Variants in KCNU1 observed in about 807,000 individuals in gnomAD.
The protein encoded by KCNU1 is potassium calcium-activated channel subfamily U member 1.
A neutral mutation model predicts 126.8 loss-of-function variants in KCNU1; 93 were observed. The observed-to-expected ratio is 0.73, with a 90% confidence interval of 0.62 to 0.87. The LOEUF (loss-of-function observed/expected upper bound fraction) is 0.87. Ranked by LOEUF, KCNU1 falls within the 40% of genes least tolerant of loss-of-function variation. The pLI is 0.00. For missense variants in KCNU1, 1,330 were observed against 1,367.1 expected, an observed-to-expected ratio of 0.97 and a Z score of 0.43; for synonymous variants, 523 against 494.2, an observed-to-expected ratio of 1.06 and a Z score of -0.77.
intron 19 of KCNU1, among the ~76,000 whole-genome samples, chr8:36,878,420 C>G (rs1005652305): frequency 6.6e-6 from 1 of 152,206 alleles, no homozygotes; most frequent in African/African-American, 2.4e-5. Context: ...TACAAAGGCT[C>G]TCTTTACCTC....
chr8:36,799,315 C>T lies in KCNU1; in HGVS notation c.316-4712C>T, dbSNP rs544490214. ...AGCGTATCTTCAAAATCTGAAATTT[C>T]GCCATGATATGGCTGTGTGTGTGTC... On this transcript the variant is annotated intron_variant, in intron 2 of 26. Coordinates refer to ENST00000399881, the MANE Select transcript of KCNU1 (RefSeq NM_001031836.3). 4.3e-4 allele frequency among the ~76,000 whole-genome samples: 66 copies of T among 151,894 alleles called. No individual in the cohort carries two copies. The South Asian group carries it at 5.6e-3, about 13-fold the overall frequency.
rs928282585 is a variant in KCNU1, at chr8:36,804,122, T to C, written c.377+34T>C. 2.2e-6 allele frequency: 3 copies of C among 1,390,504 alleles called. No homozygotes were observed. The Admixed American group carries it at 6.0e-5, about 28-fold the overall frequency. The allele number at this position is 1,390,504 out of a possible 1,614,324, so 86.1% of individuals were successfully genotyped here. A position where few individuals can be genotyped will look rare whatever the true frequency, so the allele number is the denominator to read the frequency against. On this transcript the variant is annotated intron_variant, in intron 3 of 26. Transcript: ENST00000399881. ...AATGTCCAGTCACACTTGTCTGCTA[T>C]ATCAGTACATTGCTCGGCTAATTTG...
intron 10 of KCNU1, among the ~76,000 whole-genome samples, chr8:36,820,889 G>A (rs947221686): frequency 8.5e-5 from 13 of 152,206 alleles, no homozygotes; most frequent in Non-Finnish European, 1.8e-4. Context: ...GAAGCTTACA[G>A]ACATTCTTCT....
chr8:36,846,158 A>G (rs1261944411), intron 18 of KCNU1, among the ~76,000 whole-genome samples: 1 of 152,234 alleles, frequency 6.6e-6, no homozygotes, highest in Non-Finnish European at 1.5e-5. Context: ...CCAAAGTCAC[A>G]TAGCCAGTTA....
chr8:36,815,678 A>G lies in KCNU1; in HGVS notation c.986A>G (p.Lys329Arg), dbSNP rs1185251853. The change falls in exon 9 of 27, where the codon AAA becomes AGA. Residue 329 changes from lysine to arginine, a missense_variant. Lys to Arg is a conservative substitution (Grantham distance 26). Transcript: ENST00000399881. ...RKYTSSYEAL[K>R]GKKFIVVCGN... Reference sequence around the variant, plus strand: ...TACACCAGTTCCTATGAAGCACTCAAAGGAAAGAAGTAAGTAGTGTTTTAA... The same window carrying G: ...TACACCAGTTCCTATGAAGCACTCAGAGGAAAGAAGTAAGTAGTGTTTTAA... 1.3e-6 allele frequency: 2 copies of G among 1,545,274 alleles called. No individual in the cohort carries two copies. The highest frequency in any genetic ancestry group is 1.8e-6 in the Non-Finnish European group (2 of 1,127,468).
At chr8:36,821,662 A>G (rs1804130182) in intron 10 of KCNU1, among the ~76,000 whole-genome samples, 1 of 152,166 alleles carries the variant, frequency 6.6e-6, no homozygotes, top group African/African-American at 2.4e-5. Flanking sequence ...AATGATGGCT[A>G]ATAGCAATTC....
intron 19 of KCNU1, among the ~76,000 whole-genome samples, chr8:36,869,457 C>T (rs1339316061): frequency 6.6e-6 from 1 of 152,064 alleles, no homozygotes. Flanking sequence ...TTTATAATAT[C>T]AACTTCATCT....
intron 18 of KCNU1, among the ~76,000 whole-genome samples, chr8:36,854,907 A>G (rs1431322987): frequency 2.0e-5 from 3 of 152,162 alleles, no homozygotes; most frequent in African/African-American, 7.2e-5. Flanking sequence ...ATTTGTGGCC[A>G]TTGAATTTTC....
At chr8:36,858,195 A>G (rs1383972611) in intron 18 of KCNU1, among the ~76,000 whole-genome samples, 1 of 151,590 alleles carries the variant, frequency 6.6e-6, no homozygotes, top group African/African-American at 2.4e-5. Context: ...AAAAAAAAAA[A>G]AAAACTGTTC....
chr8:36,819,731 C>G (rs1371924843), intron 10 of KCNU1, among the ~76,000 whole-genome samples: 1 of 152,114 alleles, frequency 6.6e-6, no homozygotes, highest in African/African-American at 2.4e-5. Flanking sequence ...TCTCATTACT[C>G]TATTTTATTT....
At chr8:36,842,287 A>G (rs1804985107) in intron 16 of KCNU1, among the ~76,000 whole-genome samples, 1 of 152,246 alleles carries the variant, frequency 6.6e-6, no homozygotes, top group Non-Finnish European at 1.5e-5. Context: ...TGGGCGATAA[A>G]GGAATTATTA....
At chr8:36,786,530 T>G (rs1802716395) in intron 1 of KCNU1, among the ~76,000 whole-genome samples, 1 of 152,184 alleles carries the variant, frequency 6.6e-6, no homozygotes, top group Non-Finnish European at 1.5e-5. Context: ...TGAGCTTTTT[T>G]GAAAGTCAGA....
intron 2 of KCNU1, chr8:36,795,558 GT>G (rs1268828844): frequency 6.5e-6 from 1 of 153,078 alleles, no homozygotes; most frequent in Non-Finnish European, 1.5e-5. Context: ...TGATGTGGGG[GT>G]TGGGCTGGAC....
chr8:36,832,731 G>A lies in KCNU1; in HGVS notation c.1107-823G>A, dbSNP rs947497431. Among the ~76,000 whole-genome samples, 3 of 151,550 alleles carry A rather than the reference G, an allele frequency of 2.0e-5. No homozygotes were observed. In the East Asian group the frequency reaches 5.8e-4, roughly 29 times the overall value. ...TTTATCTTTTTGTTCCTTTTTCATT[G>A]TTTCTTATTCTTGTTTTCATCATTT... On this transcript the variant is annotated intron_variant, in intron 10 of 26. Transcript: ENST00000399881.
At chr8:36,807,200 C>A (rs909522772) in intron 5 of KCNU1, among the ~76,000 whole-genome samples, 175 bp from the exon 6 acceptor site, 1 of 152,110 alleles carries the variant, frequency 6.6e-6, no homozygotes, top group Non-Finnish European at 1.5e-5. Flanking sequence ...GTTACAACAG[C>A]GTCAGGGCTA....
chr8:36,860,911 CTTT>C (rs369702690), intron 18 of KCNU1, among the ~76,000 whole-genome samples: 1 of 140,274 alleles, frequency 7.1e-6, no homozygotes. Context: ...CCCTGGGTCA[CTTT>C]TTTTTTTTTT....
intron 21 of KCNU1, among the ~76,000 whole-genome samples, chr8:36,910,669 C>A (rs990917379): frequency 2.0e-5 from 3 of 152,168 alleles, no homozygotes; most frequent in African/African-American, 4.8e-5. Context: ...CACGGACTTA[C>A]GTTCCTCCCT....
chr8:36,863,258 C>G (rs1805791881), intron 18 of KCNU1, among the ~76,000 whole-genome samples: 1 of 152,106 alleles, frequency 6.6e-6, no homozygotes, highest in Admixed American at 6.5e-5. Flanking sequence ...TGCCACTGAT[C>G]AAAATGAGGT....
rs115935627 is a variant in KCNU1 at position 36,932,518 on chromosome 8, G to A, written c.2932-402G>A. ...GGTCCAGATGAGTATTTGGGACTGT[G>A]ATCTGTTTTACAGTAGGGTAAGATG... is the stretch of plus-strand genomic sequence containing the variant. On this transcript the variant is annotated intron_variant, in intron 25 of 26. Coordinates refer to ENST00000399881, the MANE Select transcript of KCNU1 (RefSeq NM_001031836.3). Among the ~76,000 whole-genome samples, 1,508 of 152,112 alleles carry A rather than the reference G, an allele frequency of 9.9e-3. 16 individuals carry two copies. Among genetic ancestry groups the A allele is most frequent in the African/African-American group, 0.034 (1,393 of 41,508 alleles).
Sources: allele counts gnomAD v4.1 joint callset (sites outside exome capture counted in the v4.1 genomes callset), GRCh38; gene constraint gnomAD v4.1.1; transcripts MANE v1.5; gene names NCBI Gene and HGNC (gene_info 2026-07-23, HGNC 2026-07-21).